CFAP221: variants seen among roughly 807,000 people sequenced by gnomAD.
CFAP221 encodes the protein cilia- and flagella-associated protein 221.
A neutral mutation model predicts 113.1 loss-of-function variants in CFAP221; 97 were observed. The ratio of observed to expected loss-of-function variants is 0.86; its 90% CI spans 0.73 to 1.02. The LOEUF is 1.02. CFAP221 is among the 50% of genes least tolerant of loss of function. The pLI is 0.00. For synonymous variants in CFAP221, 331 were observed against 354.4 expected (o/e 0.93, Z 0.74); for missense variants, 1,025 against 1,013.4 (o/e 1.01, Z -0.16).
At chr2:119,641,364 AC>A (rs577850837) in intron 21 of CFAP221, among the ~76,000 whole-genome samples, 245 of 151,994 alleles carry the variant, frequency 1.6e-3, no homozygotes, top group Middle Eastern at 3.4e-3. Flanking sequence ...TTCCTCAACC[AC>A]CCTATTGCCA....
At chr2:119,646,635 A>G (rs1053937984) in intron 21 of CFAP221, among the ~76,000 whole-genome samples, 17 of 152,336 alleles carry the variant, frequency 1.1e-4, no homozygotes, top group African/African-American at 3.6e-4. Flanking sequence ...TGGTGGGGAC[A>G]GGACCAAACC....
chr2:119,653,154 G>A (rs548656240), intron 23 of CFAP221, among the ~76,000 whole-genome samples: 64 of 151,996 alleles, frequency 4.2e-4, no homozygotes, highest in African/African-American at 1.5e-3. Context: ...GCTGGGGCGG[G>A]TGGATCACCT....
intron 6 of CFAP221, among the ~76,000 whole-genome samples, chr2:119,575,013 T>G (rs186240813): frequency 1.3e-5 from 2 of 152,262 alleles, no homozygotes; most frequent in African/African-American, 4.8e-5. Flanking sequence ...TTGGGACCAG[T>G]AAACTGGCAG....
At chr2:119,602,555 A>G in intron 8 of CFAP221, 1 of 927,792 alleles carries the variant, frequency 1.1e-6, no homozygotes, top group Non-Finnish European at 1.3e-6. Context: ...ATATCAAAAT[A>G]TGAACTCACT....
At chr2:119,602,752 C>T in intron 8 of CFAP221, 1 of 985,348 alleles carries the variant, frequency 1.0e-6, no homozygotes, top group Non-Finnish European at 1.2e-6. Flanking sequence ...TTTCTGGTGG[C>T]AAATAAGCAG....
At chr2:119,630,428 A>G in intron 17 of CFAP221, 142 bp from the exon 18 acceptor site, 1 of 660,060 alleles carries the variant, frequency 1.5e-6, no homozygotes. Context: ...GTCCAAACCA[A>G]CAATAGCCAC....
intron 6 of CFAP221, among the ~76,000 whole-genome samples, chr2:119,564,775 G>A (rs1213364090): frequency 6.6e-6 from 1 of 152,154 alleles, no homozygotes; most frequent in Admixed American, 6.5e-5. Flanking sequence ...CACTGCTGAT[G>A]GACCGATGGG....
At position 119,605,197 on chromosome 2, in the gene CFAP221, T is replaced by C. The variant is rs778325278; in HGVS notation, c.1041T>C (p.Thr347=). 1 of 1,614,108 alleles carries C rather than the reference T, an allele frequency of 6.2e-7. No individual in the cohort carries two copies. The highest frequency in any genetic ancestry group is 1.1e-5 in the South Asian group (1 of 91,072). The part of the protein sequence containing the change: ...KELREVLDQG[T]EISKTRQMKE... ...TGCCTTCAGTTTTGGACCAGGGCAC[T>C]GAAATTTCAAAAACGAGACAGATGA... The change falls in exon 11 of 24, where the codon ACT becomes ACC. Residue 347 remains threonine, a synonymous_variant. Coordinates refer to ENST00000413369, the MANE Select transcript of CFAP221 (RefSeq NM_001271049.2).
At chr2:119,653,966 A>G (rs1378857899) in intron 23 of CFAP221, among the ~76,000 whole-genome samples, 1 of 152,034 alleles carries the variant, frequency 6.6e-6, no homozygotes, top group African/African-American at 2.4e-5. Flanking sequence ...TTTTGCCTAT[A>G]TTTCTTCCTT....
At chr2:119,544,823 C>A (rs1401108832) in intron 1 of CFAP221, among the ~76,000 whole-genome samples, 1 of 151,980 alleles carries the variant, frequency 6.6e-6, no homozygotes. Context: ...CGGTGAGACC[C>A]GGAGCCAGGC....
At chr2:119,602,871 G>A in intron 8 of CFAP221, 1 of 767,228 alleles carries the variant, frequency 1.3e-6, no homozygotes, top group Non-Finnish European at 1.6e-6. Flanking sequence ...TTCCATGGCT[G>A]TGCTTTTACA....
downstream of CFAP221, among the ~76,000 whole-genome samples, chr2:119,658,749 G>A (rs1170663020): frequency 6.6e-6 from 1 of 152,064 alleles, no homozygotes; most frequent in Non-Finnish European, 1.5e-5. Flanking sequence ...GGAAGGCCAA[G>A]GTGAGCAGAT....
chr2:119,619,297 A>C (rs542322738), intron 14 of CFAP221, among the ~76,000 whole-genome samples: 1 of 152,232 alleles, frequency 6.6e-6, no homozygotes, highest in African/African-American at 2.4e-5. Context: ...ACTGGGAGAC[A>C]CCTCCCAGCA....
chr2:119,599,139 C>G (rs1264227500), intron 7 of CFAP221, among the ~76,000 whole-genome samples: 4 of 152,130 alleles, frequency 2.6e-5, no homozygotes, highest in Non-Finnish European at 5.9e-5. Flanking sequence ...TAGTGGGTAT[C>G]ATTGAAAGAG....
intron 1 of CFAP221, chr2:119,545,001 C>T (rs974648324): frequency 6.6e-6 from 1 of 151,546 alleles, no homozygotes. Flanking sequence ...GAGGAGGGGG[C>T]CATGCAGCCT....
intron 6 of CFAP221, among the ~76,000 whole-genome samples, chr2:119,573,818 A>C (rs1682238154): frequency 6.6e-6 from 1 of 152,210 alleles, no homozygotes; most frequent in Non-Finnish European, 1.5e-5. Context: ...CTAGTTACTC[A>C]TCTTGACCCA....
At chr2:119,613,754 C>A (rs1175852828) in intron 13 of CFAP221, among the ~76,000 whole-genome samples, 3 of 152,186 alleles carry the variant, frequency 2.0e-5, no homozygotes, top group Admixed American at 6.5e-5. Context: ...AGACATTTTC[C>A]CCATTGTCTT....
chr2:119,559,611 A>C, intron 3 of CFAP221, 78 bp from the exon 4 acceptor site: 1 of 1,205,898 alleles, frequency 8.3e-7, no homozygotes, highest in Non-Finnish European at 1.2e-6. Context: ...TTTTAGGAAC[A>C]GATGAAGTCT....
Position 119,644,621 on chromosome 2 carries a change from A to G in CFAP221, c.2226-2337A>G, listed in dbSNP as rs541270735. On this transcript the variant is annotated intron_variant, in intron 21 of 23. Coordinates refer to ENST00000413369, the MANE Select transcript of CFAP221 (RefSeq NM_001271049.2). ...ATACACATTGCTTCTGGGGTGGGGC[A>G]GGGTTTGCTTCTTGGCCTATTCAGC... Among the ~76,000 whole-genome samples, 408 of 152,292 alleles carry G rather than the reference A, an allele frequency of 2.7e-3. 2 individuals are homozygous for G. Among genetic ancestry groups the G allele is most frequent in the African/African-American group, 9.4e-3 (391 of 41,560 alleles).
Sources: allele counts gnomAD v4.1 joint callset (sites outside exome capture counted in the v4.1 genomes callset), GRCh38; gene constraint gnomAD v4.1.1; transcripts MANE v1.5; gene names NCBI Gene and HGNC (gene_info 2026-07-23, HGNC 2026-07-21).